ADGRB3: variants seen among roughly 807,000 people sequenced by gnomAD.
ADGRB3 encodes the protein adhesion G protein-coupled receptor B3.
In ADGRB3, 37 loss-of-function variants were observed where a neutral mutation model predicts 193.4. That is an observed-to-expected ratio of 0.19 (90% confidence interval 0.15 to 0.25). ADGRB3 has a LOEUF of 0.25. Among genes scored for constraint, ADGRB3 ranks in the 10% least tolerant of loss-of-function variants. ADGRB3 has a pLI of 1.00. For missense variants in ADGRB3, 1,637 were observed against 1,852.9 expected, an observed-to-expected ratio of 0.88 and a Z score of 2.14; for synonymous variants, 690 against 644.2, an observed-to-expected ratio of 1.07 and a Z score of -1.08.
chr6:68,952,635 A>T (rs1767959382), intron 6 of ADGRB3, among the ~76,000 whole-genome samples: 2 of 150,990 alleles, frequency 1.3e-5, no homozygotes, highest in Admixed American at 6.7e-5. Context: ...GTACTCTAGA[A>T]CTTAAAGTAT....
intron 6 of ADGRB3, among the ~76,000 whole-genome samples, chr6:68,945,629 A>G (rs981977237): frequency 2.0e-5 from 3 of 152,154 alleles, no homozygotes; most frequent in African/African-American, 4.8e-5. Flanking sequence ...CTAACTATAG[A>G]AACTTTTTAA....
intron 3 of ADGRB3, among the ~76,000 whole-genome samples, chr6:68,885,506 T>G (rs1269504558): frequency 6.6e-6 from 1 of 152,162 alleles, no homozygotes; most frequent in African/African-American, 2.4e-5. Flanking sequence ...TTTAAAATCC[T>G]TTTAGTAGTT....
intron 6 of ADGRB3, among the ~76,000 whole-genome samples, chr6:68,952,371 C>T (rs1468728324): frequency 6.6e-6 from 1 of 151,824 alleles, no homozygotes; most frequent in Non-Finnish European, 1.5e-5. Flanking sequence ...GTATATATTA[C>T]ATGTGTGTTT....
intron 11 of ADGRB3, among the ~76,000 whole-genome samples, chr6:69,002,013 T>C (rs537988448): frequency 3.9e-5 from 6 of 152,308 alleles, no homozygotes; most frequent in African/African-American, 1.4e-4. Context: ...TTACTCAACA[T>C]TGGAAAGCTA....
intron 3 of ADGRB3, among the ~76,000 whole-genome samples, chr6:68,845,083 A>G (rs1396893992): frequency 2.0e-5 from 3 of 152,204 alleles, no homozygotes; most frequent in Admixed American, 6.5e-5. Flanking sequence ...ACAGTCAATA[A>G]TAATTTCATT....
At chr6:69,076,351 T>C (rs189280435) in intron 17 of ADGRB3, among the ~76,000 whole-genome samples, 36 of 152,212 alleles carry the variant, frequency 2.4e-4, no homozygotes, top group Admixed American at 7.8e-4. Context: ...TCTTAACATC[T>C]TGTCCTAGTA....
chr6:68,735,018 G>T (rs1006234559), intron 3 of ADGRB3, among the ~76,000 whole-genome samples: 1 of 151,870 alleles, frequency 6.6e-6, no homozygotes, highest in Non-Finnish European at 1.5e-5. Flanking sequence ...GAATACTAGT[G>T]CAAAGATTGA....
chr6:68,683,461 T>A (rs1764931744), intron 3 of ADGRB3, among the ~76,000 whole-genome samples: 2 of 152,206 alleles, frequency 1.3e-5, no homozygotes, highest in South Asian at 4.1e-4. Context: ...AAAGTTGGCT[T>A]ACAAAAATTA....
At chr6:69,087,735 G>T (rs897829470) in intron 17 of ADGRB3, among the ~76,000 whole-genome samples, 2 of 152,122 alleles carry the variant, frequency 1.3e-5, no homozygotes, top group Non-Finnish European at 2.9e-5. Flanking sequence ...TAGGTAGAAA[G>T]AATTGGAAAA....
intron 3 of ADGRB3, among the ~76,000 whole-genome samples, chr6:68,879,590 C>T (rs979149101): frequency 1.3e-5 from 2 of 151,972 alleles, no homozygotes; most frequent in Non-Finnish European, 1.5e-5. Context: ...AAAAAGGTTT[C>T]CACCACTCCT....
chr6:68,694,851 A>G (rs1171330624), intron 3 of ADGRB3, among the ~76,000 whole-genome samples: 1 of 151,960 alleles, frequency 6.6e-6, no homozygotes. Context: ...TTTAAACACC[A>G]TTCTCCCAAG....
chr6:69,363,923 T>G (rs1197327108), intron 29 of ADGRB3, among the ~76,000 whole-genome samples: 1 of 152,054 alleles, frequency 6.6e-6, no homozygotes, highest in African/African-American at 2.4e-5. Context: ...GACCTGAGTA[T>G]CTACATAGAG....
At chr6:68,861,428 G>A (rs1444618845) in intron 3 of ADGRB3, among the ~76,000 whole-genome samples, 1 of 152,092 alleles carries the variant, frequency 6.6e-6, no homozygotes, top group African/African-American at 2.4e-5. Context: ...CGGGCGTGGT[G>A]GCGGGCACCT....
chr6:68,659,704 G>A (rs964505992), intron 3 of ADGRB3, among the ~76,000 whole-genome samples: 1 of 150,752 alleles, frequency 6.6e-6, no homozygotes, highest in Non-Finnish European at 1.5e-5. Flanking sequence ...AGGACTTTAG[G>A]TACACGATTA....
At chr6:68,691,692 T>C (rs1365555648) in intron 3 of ADGRB3, among the ~76,000 whole-genome samples, 1 of 151,902 alleles carries the variant, frequency 6.6e-6, no homozygotes, top group Non-Finnish European at 1.5e-5. Flanking sequence ...TCAGTACATA[T>C]GAGCATCAGG....
chr6:68,842,917 A>T (rs1768188579), intron 3 of ADGRB3, among the ~76,000 whole-genome samples: 1 of 152,068 alleles, frequency 6.6e-6, no homozygotes, highest in Non-Finnish European at 1.5e-5. Context: ...TGAAGGACAA[A>T]GCCTATATGA....
intron 8 of ADGRB3, among the ~76,000 whole-genome samples, chr6:68,968,737 A>G (rs1440245155): frequency 2.0e-5 from 3 of 152,192 alleles, no homozygotes; most frequent in Non-Finnish European, 4.4e-5. Context: ...GTAATAACCT[A>G]TTCATGATGT....
chr6:69,177,726 C>A (rs182302671), intron 17 of ADGRB3, among the ~76,000 whole-genome samples: 6 of 152,272 alleles, frequency 3.9e-5, no homozygotes, highest in Non-Finnish European at 7.4e-5. Flanking sequence ...TGTTTAATTT[C>A]CATATAATAG....
At chr6:68,712,496 A>AT (rs1392298473) in intron 3 of ADGRB3, among the ~76,000 whole-genome samples, 8 of 151,958 alleles carry the variant, frequency 5.3e-5, no homozygotes, top group African/African-American at 1.9e-4. Context: ...ACTACATTAC[A>AT]TTTTTCAGAA....
Sources: allele counts gnomAD v4.1 joint callset (sites outside exome capture counted in the v4.1 genomes callset), GRCh38; gene constraint gnomAD v4.1.1; transcripts MANE v1.5; gene names NCBI Gene and HGNC (gene_info 2026-07-23, HGNC 2026-07-21).